MPHOSPH9: variants seen among roughly 807,000 people sequenced by gnomAD.
MPHOSPH9 encodes the protein M-phase phosphoprotein 9.
Under a neutral mutation model 145.5 loss-of-function variants are expected in MPHOSPH9, and 88 were observed. The observed-to-expected ratio is 0.60, with a 90% CI of 0.51 to 0.72. The LOEUF is 0.72. MPHOSPH9 is among the 30% of genes least tolerant of loss of function. The pLI is 0.00. For missense variants in MPHOSPH9, 1,238 were observed against 1,386.6 expected, an observed-to-expected ratio of 0.89 and a Z score of 1.70; for synonymous variants, 435 against 486.2, an observed-to-expected ratio of 0.89 and a Z score of 1.39.
chr12:123,175,628 G>A (rs556863804), intron 16 of MPHOSPH9, among the ~76,000 whole-genome samples: 1 of 151,508 alleles, frequency 6.6e-6, no homozygotes, highest in Non-Finnish European at 1.5e-5. Flanking sequence ...TCTCTGCATG[G>A]ACCACCTCCC....
At chr12:123,165,015 C>CA (rs35219995) in intron 18 of MPHOSPH9, among the ~76,000 whole-genome samples, 59,225 of 83,198 alleles carry the variant, frequency 0.71, 20,723 homozygotes, top group African/African-American at 0.76. Context: ...CTCACTGTCT[C>CA]AAAAAAAAAA....
In MPHOSPH9 at chr12:123,212,453, GCTGAGGCGGGCAGATCAC is replaced by G. The variant is rs374711946; in HGVS notation, c.1087+2273_1087+2290del. 1.0e-3 allele frequency among the ~76,000 whole-genome samples: 157 copies of G among 152,126 alleles called. 2 individuals are homozygous for G. The highest frequency in any genetic ancestry group is 2.8e-3 in the African/African-American group (116 of 41,522). On this transcript the variant is annotated intron_variant, in intron 7 of 23. Coordinates refer to ENST00000606320, the MANE Select transcript of MPHOSPH9 (RefSeq NM_022782.4). ...GCCTGTAATCCCAGCACTTTGGGAGGCTGAGGCGGGCAGATCACCTGAGGTGGGCAGATCACCTGAGGT... is the reference window on the plus strand; with the variant it reads ...GCCTGTAATCCCAGCACTTTGGGAGGCTGAGGTGGGCAGATCACCTGAGGT...
intron 3 of MPHOSPH9, among the ~76,000 whole-genome samples, 163 bp from the exon 4 acceptor site, chr12:123,223,290 A>G (rs2047293732): frequency 6.6e-6 from 1 of 152,140 alleles, no homozygotes; most frequent in Non-Finnish European, 1.5e-5. Context: ...CGCCACACCA[A>G]GAGAGCAGGG....
At chr12:123,188,157 T>C (rs1304853688) in intron 13 of MPHOSPH9, among the ~76,000 whole-genome samples, 1 of 152,014 alleles carries the variant, frequency 6.6e-6, no homozygotes, top group East Asian at 1.9e-4. Flanking sequence ...CACCCAAAAC[T>C]TGTATCCCAT....
chr12:123,210,263 A>G, intron 7 of MPHOSPH9, 101 bp from the exon 8 acceptor site: 1 of 625,962 alleles, frequency 1.6e-6, no homozygotes, highest in East Asian at 3.1e-5. Context: ...ATGGGAAGAA[A>G]TTAATTTTGG....
intron 7 of MPHOSPH9, 25 bp downstream of exon 7, chr12:123,214,719 A>C: frequency 5.1e-6 from 8 of 1,571,612 alleles, no homozygotes; most frequent in Non-Finnish European, 6.1e-6. Context: ...TTAGGTTAAA[A>C]AAAATAAAAA....
chr12:123,175,570 T>C (rs1375486851), intron 16 of MPHOSPH9, among the ~76,000 whole-genome samples: 1 of 152,132 alleles, frequency 6.6e-6, no homozygotes, highest in East Asian at 1.9e-4. Flanking sequence ...CCTTAGGCTC[T>C]TCAAATATGC....
chr12:123,220,888 T>C (rs2047169193), intron 5 of MPHOSPH9, among the ~76,000 whole-genome samples: 1 of 152,066 alleles, frequency 6.6e-6, no homozygotes, highest in Non-Finnish European at 1.5e-5. Context: ...ACCCCGTCTC[T>C]ACTAAAAATA....
intron 6 of MPHOSPH9, among the ~76,000 whole-genome samples, chr12:123,216,694 A>G (rs2138535595): frequency 6.6e-6 from 1 of 152,184 alleles, no homozygotes; most frequent in South Asian, 2.1e-4. Flanking sequence ...CTACAAAAAT[A>G]TATTTTAAAA....
At chr12:123,172,458 G>C (rs975335535) in intron 16 of MPHOSPH9, among the ~76,000 whole-genome samples, 1 of 151,778 alleles carries the variant, frequency 6.6e-6, no homozygotes, top group Admixed American at 6.6e-5. Flanking sequence ...TCAGCCTCCT[G>C]AGTAACTGGG....
intron 13 of MPHOSPH9, among the ~76,000 whole-genome samples, chr12:123,187,167 A>G (rs544171681): frequency 6.6e-6 from 1 of 152,210 alleles, no homozygotes; most frequent in Middle Eastern, 3.4e-3. Context: ...AGGCTGAGGT[A>G]GGAGAATCAC....
rs188641946 is a variant in MPHOSPH9 at position 123,231,385 on chromosome 12, G to C, written c.-158-863C>G. ...ATATATGTTTGTTGACTTATACAGA[G>C]ACAAGAAGAACTGAACTACTTAATA... On this transcript the variant is annotated intron_variant, in intron 1 of 23. Transcript: ENST00000606320. 2.0e-5 allele frequency among the ~76,000 whole-genome samples: 3 copies of C among 152,256 alleles called. No homozygotes were observed. The East Asian group carries it at 5.8e-4, about 29-fold the overall frequency.
chr12:123,223,935 A>T (rs930765653), intron 3 of MPHOSPH9, among the ~76,000 whole-genome samples: 8 of 151,096 alleles, frequency 5.3e-5, no homozygotes, highest in African/African-American at 1.5e-4. Context: ...TTATTTATTT[A>T]TTTATTTTTT....
intron 12 of MPHOSPH9, 126 bp downstream of exon 12, chr12:123,198,121 G>T: frequency 3.8e-5 from 26 of 683,060 alleles, no homozygotes; most frequent in Non-Finnish European, 5.5e-5. Flanking sequence ...AGCATTATAT[G>T]AAGCCAACAG....
intron 7 of MPHOSPH9, among the ~76,000 whole-genome samples, chr12:123,211,684 C>CTTTT (rs147321517): frequency 1.2e-3 from 81 of 67,742 alleles, no homozygotes; most frequent in Non-Finnish European, 1.5e-3. Context: ...TAGACAATTT[C>CTTTT]TTTTTTTTTT....
intron 17 of MPHOSPH9, chr12:123,166,322 G>T (rs182010846): frequency 3.7e-6 from 1 of 271,994 alleles, no homozygotes; most frequent in Non-Finnish European, 6.9e-6. Context: ...GCCCAAGCTG[G>T]TCTCGAACTC....
At chr12:123,243,275 A>T (rs1020424681) in intron 1 of MPHOSPH9, among the ~76,000 whole-genome samples, 3 of 137,622 alleles carry the variant, frequency 2.2e-5, no homozygotes, top group African/African-American at 8.0e-5. Context: ...TCACGCCTGT[A>T]ATCCCAGCAC....
intron 6 of MPHOSPH9, among the ~76,000 whole-genome samples, chr12:123,216,613 G>A (rs1349405711): frequency 1.3e-5 from 2 of 152,118 alleles, no homozygotes; most frequent in Admixed American, 1.3e-4. Flanking sequence ...CATTTGGGGA[G>A]GCCAAGGCAA....
In MPHOSPH9 at chr12:123,223,202, A is replaced by G. The variant is rs892848720; in HGVS notation, c.259-75T>C. The G allele has an allele frequency of 1.1e-5, 10 of 930,542 alleles. No homozygotes were observed. The African/African-American group carries it at 1.7e-4, about 16-fold the overall frequency. The allele number at this position is 930,542 out of a possible 1,614,324, so 57.6% of individuals were successfully genotyped here. A position where few individuals can be genotyped will look rare whatever the true frequency, so the allele number is the denominator to read the frequency against. On this transcript the variant is annotated intron_variant, in intron 3 of 23. Transcript: ENST00000606320. ...TTTCACAGAACAATTCCTCCAGTGT[A>G]AAAGAGCCCTTTTTAGGTCATGATC...
Sources: gnomAD v4.1 joint callset for allele counts (sites outside exome capture counted in the v4.1 genomes callset) on GRCh38, gnomAD v4.1.1 for gene constraint, MANE v1.5 for transcripts, NCBI Gene and HGNC (gene_info 2026-07-23, HGNC 2026-07-21) for gene names.